The following CALCR variants were observed in gnomAD, a reference collection of about 807,000 sequenced individuals.
CALCR encodes calcitonin receptor.
A neutral mutation model predicts 59.5 loss-of-function variants in CALCR; 47 were observed. The ratio of observed to expected loss-of-function variants is 0.79; its 90% CI spans 0.63 to 1.01. The LOEUF is 1.01. Among genes scored for constraint, CALCR ranks in the 50% least tolerant of loss-of-function variants. The pLI is 0.00. For missense variants in CALCR, 566 were observed against 597.1 expected (o/e 0.95, Z 0.54); for synonymous variants, 213 against 211.3 (o/e 1.01, Z -0.07).
chr7:93,457,503 C>T (rs1366854407), intron 8 of CALCR, among the ~76,000 whole-genome samples: 1 of 151,946 alleles, frequency 6.6e-6, no homozygotes, highest in African/African-American at 2.4e-5. Flanking sequence ...GTGTGAGACT[C>T]CCAAAAAAAG....
chr7:93,497,881 C>CCA (rs1245997269), intron 2 of CALCR, among the ~76,000 whole-genome samples: 1 of 151,524 alleles, frequency 6.6e-6, no homozygotes, highest in Non-Finnish European at 1.5e-5. Flanking sequence ...GACCAAAAGC[C>CCA]CACAGTCCAG....
intron 2 of CALCR, among the ~76,000 whole-genome samples, chr7:93,568,527 C>CTCTCTCTG (rs1335772236): frequency 5.7e-5 from 7 of 123,840 alleles, no homozygotes; most frequent in African/African-American, 2.2e-4. Context: ...CTCTCTCTCT[C>CTCTCTCTG]TCTCTCTCTC....
chr7:93,526,106 A>G (rs1266922102), intron 2 of CALCR, among the ~76,000 whole-genome samples: 1 of 152,180 alleles, frequency 6.6e-6, no homozygotes. Context: ...TAAAGATTAG[A>G]AACCACTATT....
At chr7:93,503,777 G>T (rs1441874678) in intron 2 of CALCR, among the ~76,000 whole-genome samples, 1 of 152,080 alleles carries the variant, frequency 6.6e-6, no homozygotes, top group African/African-American at 2.4e-5. Context: ...TCTGTCTTCA[G>T]ATAACTGGAA....
At chr7:93,428,006 T>C (rs1000614076) in intron 13 of CALCR, among the ~76,000 whole-genome samples, 1 of 149,812 alleles carries the variant, frequency 6.7e-6, no homozygotes, top group Non-Finnish European at 1.5e-5. Context: ...TCCTGAGTTT[T>C]GTTTTATTTT....
chr7:93,461,361 G>A (rs1347599443), intron 7 of CALCR, among the ~76,000 whole-genome samples: 4 of 152,266 alleles, frequency 2.6e-5, no homozygotes, highest in East Asian at 1.9e-4. Context: ...GTCACAGAGC[G>A]TGAAGTCAGA....
At chr7:93,483,765 T>C (rs1800860083) in intron 3 of CALCR, among the ~76,000 whole-genome samples, 1 of 151,686 alleles carries the variant, frequency 6.6e-6, no homozygotes, top group African/African-American at 2.4e-5. Flanking sequence ...ATACTACTTA[T>C]TTCAGGGGGT....
intron 2 of CALCR, among the ~76,000 whole-genome samples, chr7:93,573,937 GAA>G (rs1790059907): frequency 6.6e-6 from 1 of 152,208 alleles, no homozygotes; most frequent in African/African-American, 2.4e-5. Context: ...CACCCTTTGG[GAA>G]AATTCACAAC....
intron 2 of CALCR, among the ~76,000 whole-genome samples, chr7:93,517,079 A>G (rs1269909818): frequency 1.3e-5 from 2 of 151,792 alleles, no homozygotes. Flanking sequence ...GGATGTCATG[A>G]TTAACCACTA....
At chr7:93,572,193 A>C (rs544500518) in intron 2 of CALCR, among the ~76,000 whole-genome samples, 72 of 152,274 alleles carry the variant, frequency 4.7e-4, no homozygotes, top group Non-Finnish European at 6.9e-4. Flanking sequence ...CAAGTTATAC[A>C]TATATATGTA....
intron 2 of CALCR, among the ~76,000 whole-genome samples, chr7:93,553,286 T>C (rs1327944236): frequency 6.6e-6 from 1 of 152,114 alleles, no homozygotes; most frequent in African/African-American, 2.4e-5. Context: ...TGGTTCAATA[T>C]GTCAAAGAGT....
chr7:93,558,128 CTT>C (rs532827246), intron 2 of CALCR, among the ~76,000 whole-genome samples: 55 of 140,808 alleles, frequency 3.9e-4, no homozygotes, highest in African/African-American at 1.1e-3. Context: ...TTTTTAACAC[CTT>C]TTTTTTTTTT....
chr7:93,532,837 G>GCAAAA (rs1788877000), intron 2 of CALCR, among the ~76,000 whole-genome samples: 1 of 21,736 alleles, frequency 4.6e-5, no homozygotes, highest in South Asian at 1.3e-3. Context: ...CATGTCCAAA[G>GCAAAA]CAAAAAAAAA....
chr7:93,566,924 G>T (rs1210636360), intron 2 of CALCR, among the ~76,000 whole-genome samples: 1 of 152,160 alleles, frequency 6.6e-6, no homozygotes, highest in Non-Finnish European at 1.5e-5. Context: ...AGGAAAATGA[G>T]AAGGAAAAAT....
chr7:93,520,196 T>G (rs1167564522), intron 2 of CALCR, among the ~76,000 whole-genome samples: 1 of 152,002 alleles, frequency 6.6e-6, no homozygotes, highest in Admixed American at 6.6e-5. Flanking sequence ...TAGATATTAA[T>G]GAAGGAAAGT....
chr7:93,456,578 A>C (rs1800212801), intron 8 of CALCR, among the ~76,000 whole-genome samples: 1 of 152,160 alleles, frequency 6.6e-6, no homozygotes, highest in South Asian at 2.1e-4. Context: ...TTTCCAAAAT[A>C]GTATAAATTC....
intron 2 of CALCR, among the ~76,000 whole-genome samples, chr7:93,489,900 T>C (rs1801036004): frequency 6.6e-6 from 1 of 151,758 alleles, no homozygotes; most frequent in African/African-American, 2.4e-5. Flanking sequence ...TCCTCCCTAA[T>C]TCATTTTATG....
intron 2 of CALCR, among the ~76,000 whole-genome samples, chr7:93,504,352 G>A (rs1192933826): frequency 6.6e-6 from 1 of 152,132 alleles, no homozygotes; most frequent in Non-Finnish European, 1.5e-5. Context: ...AGTTATTTCT[G>A]TGCTGGAAAT....
At chr7:93,497,730 A>G (rs1217030541) in intron 2 of CALCR, among the ~76,000 whole-genome samples, 1 of 151,550 alleles carries the variant, frequency 6.6e-6, no homozygotes, top group Non-Finnish European at 1.5e-5. Context: ...TGTCCTTCAT[A>G]TCTTTTCAGT....
Sources: allele counts gnomAD v4.1 joint callset (sites outside exome capture counted in the v4.1 genomes callset), GRCh38; gene constraint gnomAD v4.1.1; transcripts MANE v1.5; gene names NCBI Gene and HGNC (gene_info 2026-07-23, HGNC 2026-07-21).